MSH3: variants seen among roughly 807,000 people sequenced by gnomAD.
The protein encoded by MSH3 is DNA mismatch repair protein Msh3.
A neutral mutation model predicts 123.3 loss-of-function variants in MSH3; 106 were observed. The ratio of observed to expected loss-of-function variants is 0.86; its 90% confidence interval spans 0.73 to 1.01. The LOEUF is 1.01. MSH3 is among the 50% of genes least tolerant of loss of function. The probability of loss-of-function intolerance (pLI) is 0.00; values close to 1 mark genes in which losing one functional copy is unlikely to be tolerated. For missense variants in MSH3, 1,459 were observed against 1,347.6 expected (o/e 1.08, Z -1.29); for synonymous variants, 515 against 481.4 (o/e 1.07, Z -0.91).
chr5:80,794,754 A>G (rs1580054701), intron 19 of MSH3, among the ~76,000 whole-genome samples: 1 of 152,210 alleles, frequency 6.6e-6, no homozygotes, highest in African/African-American at 2.4e-5. Flanking sequence ...AAGATATGCC[A>G]TAGAGGAAAA....
chr5:80,861,137 A>G (rs1242186385), intron 21 of MSH3, among the ~76,000 whole-genome samples: 1 of 152,206 alleles, frequency 6.6e-6, no homozygotes, highest in African/African-American at 2.4e-5. Flanking sequence ...TGATAATTCC[A>G]ACATTCCTGC....
At chr5:80,866,318 C>T (rs1041402601) in intron 22 of MSH3, among the ~76,000 whole-genome samples, 2 of 152,010 alleles carry the variant, frequency 1.3e-5, no homozygotes, top group Admixed American at 6.6e-5. Flanking sequence ...TTTGTATGTT[C>T]TGTAGAGACA....
At chr5:80,861,929 T>A (rs1053211932) in intron 21 of MSH3, among the ~76,000 whole-genome samples, 2 of 152,182 alleles carry the variant, frequency 1.3e-5, no homozygotes, top group African/African-American at 4.8e-5. Flanking sequence ...GGTTCTACTT[T>A]TTCCTTGTGA....
intron 4 of MSH3, among the ~76,000 whole-genome samples, chr5:80,670,877 C>T (rs756231044): frequency 1.3e-5 from 2 of 151,990 alleles, no homozygotes; most frequent in Non-Finnish European, 2.9e-5. Context: ...CCCAGCACTT[C>T]GGGAAGCTGA....
chr5:80,728,038 G>A (rs1161808496), intron 9 of MSH3, among the ~76,000 whole-genome samples: 1 of 152,168 alleles, frequency 6.6e-6, no homozygotes, highest in Non-Finnish European at 1.5e-5. Context: ...TCTGTGTGCT[G>A]GAACAGAGTA....
rs141535339 is a variant in MSH3, at chr5:80,700,848, G to C, written c.1340+21755G>C. On this transcript the variant is annotated intron_variant, in intron 8 of 23. Coordinates refer to ENST00000265081, the MANE Select transcript of MSH3 (RefSeq NM_002439.5). ...GAAGAAACAGCATTTGAGAAGTGTG[G>C]AGAAAAGATCTTCCTGATTACTACA... Among the ~76,000 whole-genome samples the C allele has an allele frequency of 3.3e-3, 495 of 152,296 alleles. 4 individuals carry two copies. Among genetic ancestry groups the C allele is most frequent in the African/African-American group, 0.011 (475 of 41,560 alleles).
chr5:80,797,529 A>G (rs1359774308), intron 19 of MSH3, among the ~76,000 whole-genome samples: 1 of 152,232 alleles, frequency 6.6e-6, no homozygotes, highest in Non-Finnish European at 1.5e-5. Flanking sequence ...TCAAACTAAA[A>G]GGGAAATTTG....
At chr5:80,694,688 A>G (rs1750429486) in intron 8 of MSH3, among the ~76,000 whole-genome samples, 1 of 151,720 alleles carries the variant, frequency 6.6e-6, no homozygotes, top group African/African-American at 2.4e-5. Flanking sequence ...GTTTTTCATC[A>G]TCTGAGAATG....
At chr5:80,870,787 C>T (rs1370851366) in intron 22 of MSH3, among the ~76,000 whole-genome samples, 3 of 152,112 alleles carry the variant, frequency 2.0e-5, no homozygotes, top group African/African-American at 7.2e-5. Flanking sequence ...TAAATTTTCA[C>T]TGATAAAAGA....
At chr5:80,674,546 G>A (rs1749794172) in intron 6 of MSH3, among the ~76,000 whole-genome samples, 1 of 152,054 alleles carries the variant, frequency 6.6e-6, no homozygotes. Flanking sequence ...GCCTCCATGG[G>A]GTCTGGTGTA....
chr5:80,788,420 A>T (rs968035657), intron 18 of MSH3, among the ~76,000 whole-genome samples: 2 of 152,082 alleles, frequency 1.3e-5, no homozygotes, highest in African/African-American at 4.8e-5. Context: ...CAGCCTGGGC[A>T]AGAGAGTGAG....
intron 2 of MSH3, among the ~76,000 whole-genome samples, chr5:80,660,880 C>G (rs976107458): frequency 6.6e-6 from 1 of 152,110 alleles, no homozygotes; most frequent in Non-Finnish European, 1.5e-5. Flanking sequence ...TGACTGCAAC[C>G]TCTGCCCCGC....
intron 19 of MSH3, among the ~76,000 whole-genome samples, chr5:80,793,525 A>G (rs1188212438): frequency 6.6e-6 from 1 of 152,154 alleles, no homozygotes; most frequent in African/African-American, 2.4e-5. Context: ...AGGGCAGGGA[A>G]GCATTGAGGA....
At chr5:80,754,403 G>A (rs1187301713) in intron 12 of MSH3, among the ~76,000 whole-genome samples, 1 of 151,996 alleles carries the variant, frequency 6.6e-6, no homozygotes, top group Non-Finnish European at 1.5e-5. Context: ...TTTAAATTTT[G>A]TATTATTCAG....
At chr5:80,721,661 A>G (rs959739050) in intron 8 of MSH3, among the ~76,000 whole-genome samples, 1 of 152,220 alleles carries the variant, frequency 6.6e-6, no homozygotes, top group African/African-American at 2.4e-5. Flanking sequence ...ATAGTGTAGT[A>G]CATGTTATCT....
intron 8 of MSH3, among the ~76,000 whole-genome samples, chr5:80,692,620 A>AC (rs1750323488): frequency 6.8e-6 from 1 of 147,110 alleles, no homozygotes. Context: ...GAATATATAT[A>AC]AACATGTATA....
chr5:80,746,124 A>G (rs1743714556), intron 12 of MSH3, among the ~76,000 whole-genome samples: 1 of 152,190 alleles, frequency 6.6e-6, no homozygotes, highest in African/African-American at 2.4e-5. Context: ...TATTCAGAGC[A>G]AAGAAAAAAG....
intron 19 of MSH3, among the ~76,000 whole-genome samples, chr5:80,800,639 A>G (rs538520716): frequency 6.6e-6 from 1 of 152,226 alleles, no homozygotes; most frequent in African/African-American, 2.4e-5. Flanking sequence ...AGATTTTTAT[A>G]GAGAAAGCAA....
In MSH3 at chr5:80,792,772, T is replaced by C. The variant is rs1187454624; in HGVS notation, c.2583T>C (p.Asn861=). The C allele has an allele frequency of 6.2e-7, 1 of 1,613,370 alleles. No individual in the cohort carries two copies. ...AAGAAAGAAAAATTGTAATAAAAAA[T>C]GGAAGGCACCCTGTGATTGATGTGT... ...VQEERKIVIK[N]GRHPVIDVLL... Residue 861 remains asparagine (N), a synonymous_variant, in exon 19 of 24, where the codon AAT becomes AAC. Coordinates refer to ENST00000265081, the MANE Select transcript of MSH3 (RefSeq NM_002439.5).
Sources: allele counts gnomAD v4.1 joint callset (sites outside exome capture counted in the v4.1 genomes callset), GRCh38; gene constraint gnomAD v4.1.1; transcripts MANE v1.5; gene names NCBI Gene and HGNC (gene_info 2026-07-23, HGNC 2026-07-21).